ATP9A: variants seen among roughly 807,000 people sequenced by gnomAD.
ATP9A encodes probable phospholipid-transporting ATPase IIA.
Under a neutral mutation model 144.1 loss-of-function variants are expected in ATP9A, and 52 were observed. The ratio of observed to expected loss-of-function variants is 0.36; its 90% CI spans 0.29 to 0.45. The LOEUF is 0.45. Among genes scored for constraint, ATP9A ranks in the 20% least tolerant of loss-of-function variants. The pLI, the probability that ATP9A is intolerant of heterozygous loss-of-function variation, is 1.00. For missense variants in ATP9A, 947 were observed against 1,392.7 expected (o/e 0.68, Z 5.09); for synonymous variants, 582 against 557.4 (o/e 1.04, Z -0.62).
chr20:51,618,782 C>T lies in ATP9A; in HGVS notation c.2230G>A (p.Glu744Lys), dbSNP rs267605993. 1 of 1,601,366 alleles carries T rather than the reference C, an allele frequency of 6.2e-7. No homozygotes were observed. Among genetic ancestry groups the T allele is most frequent in the Non-Finnish European group, 8.5e-7 (1 of 1,173,254 alleles). The change falls in exon 21 of 28, where the codon GAG becomes AAG. Residue 744 changes from glutamate to lysine, a missense_variant. By Grantham distance (56) the Glu-to-Lys change is moderately conservative. This residue lies in a region of ATP9A where 770 missense variants were observed against 1,047.9 expected (regional missense o/e 0.73). Coordinates refer to ENST00000338821, the MANE Select transcript of ATP9A (RefSeq NM_006045.3). ...CACTGGCAGGCCAGCTCCATGAACT[C>T]GTACTCATAGTACTTGAGGCAAACC... ...LEVCLKYYEY[E>K]FMELACQCPA...
At chr20:51,672,051 T>C (rs1001296355) in intron 11 of ATP9A, among the ~76,000 whole-genome samples, 3 of 152,024 alleles carry the variant, frequency 2.0e-5, no homozygotes, top group African/African-American at 7.2e-5. Context: ...CCACCCGTCT[T>C]GGCCTCCCAA....
intron 23 of ATP9A, among the ~76,000 whole-genome samples, chr20:51,610,820 A>G (rs1396021339): frequency 6.6e-6 from 1 of 152,116 alleles, no homozygotes; most frequent in Non-Finnish European, 1.5e-5. Context: ...CTTATATTAC[A>G]TGTTTCGGTA....
intron 7 of ATP9A, among the ~76,000 whole-genome samples, chr20:51,692,154 G>C (rs2077551075): frequency 6.6e-6 from 1 of 152,206 alleles, no homozygotes; most frequent in East Asian, 1.9e-4. Context: ...GATGAAAAAA[G>C]TTCCGAAGAT....
At chr20:51,696,960 T>C (rs1052672867) in intron 5 of ATP9A, among the ~76,000 whole-genome samples, 3 of 152,186 alleles carry the variant, frequency 2.0e-5, no homozygotes, top group Admixed American at 1.3e-4. Context: ...GTATTTTTGG[T>C]CTTTTTACTG....
At position 51,689,235 on chromosome 20, in the gene ATP9A, G is replaced by GC. The variant is rs1445119479; in HGVS notation, c.724-97dup. On this transcript the variant is annotated intron_variant, in intron 8 of 27. Transcript: ENST00000338821. Reference sequence around the variant, plus strand: ...TGGTCCGCTGGAGATAGAAAGACAGGCTCCCCCCGATGAACCTGGAAGCCC... The same window carrying GC: ...TGGTCCGCTGGAGATAGAAAGACAGGCCTCCCCCCGATGAACCTGGAAGCCC... 4.3e-5 allele frequency: 55 copies of GC among 1,269,738 alleles called. No homozygotes were observed. In the African/African-American group the frequency reaches 7.6e-4, roughly 18 times the overall value. 78.7% of individuals were successfully genotyped at this position (1,269,738 alleles called of 1,614,324 possible).
intron 9 of ATP9A, among the ~76,000 whole-genome samples, chr20:51,676,665 T>C (rs968871672): frequency 1.3e-5 from 2 of 151,994 alleles, no homozygotes; most frequent in South Asian, 4.2e-4. Context: ...TTTTAGTAGA[T>C]ACGGGGTTTC....
At chr20:51,641,298 G>A (rs2077317620) in intron 14 of ATP9A, among the ~76,000 whole-genome samples, 1 of 152,050 alleles carries the variant, frequency 6.6e-6, no homozygotes, top group Non-Finnish European at 1.5e-5. Flanking sequence ...GGTAGAAGTT[G>A]CAGTGAGTAG....
chr20:51,744,707 A>C (rs1402243266), intron 1 of ATP9A, among the ~76,000 whole-genome samples: 2 of 152,196 alleles, frequency 1.3e-5, no homozygotes, highest in East Asian at 1.9e-4. Flanking sequence ...GTTCCCCTAT[A>C]ATCAGTTAGC....
At chr20:51,702,209 G>C (rs544997541) in intron 4 of ATP9A, among the ~76,000 whole-genome samples, 7 of 150,630 alleles carry the variant, frequency 4.6e-5, no homozygotes, top group Non-Finnish European at 7.4e-5. Flanking sequence ...TGAGGCAGGA[G>C]AATCGCTTGA....
intron 3 of ATP9A, 101 bp from the exon 4 acceptor site, chr20:51,713,175 T>C: frequency 1.0e-6 from 1 of 1,003,642 alleles, no homozygotes; most frequent in Non-Finnish European, 1.5e-6. Flanking sequence ...GAGAGGTCAC[T>C]TGGGAGGGCA....
Position 51,683,064 on chromosome 20 carries a change from C to A in ATP9A, c.799+6000G>T, listed in dbSNP as rs77068314. Among the ~76,000 whole-genome samples the A allele has an allele frequency of 6.0e-5, 9 of 150,862 alleles. No homozygotes were observed. The East Asian group carries it at 1.5e-3, about 24-fold the overall frequency. On this transcript the variant is annotated intron_variant, in intron 9 of 27. Coordinates refer to ENST00000338821, the MANE Select transcript of ATP9A (RefSeq NM_006045.3). ...CAGAGATCGCACCATTGCACTCCAG[C>A]GTGGGGACAAGAGCAAAACTTTGTC...
intron 15 of ATP9A, among the ~76,000 whole-genome samples, chr20:51,634,653 C>G (rs937175834): frequency 6.6e-5 from 10 of 151,784 alleles, no homozygotes; most frequent in Non-Finnish European, 1.3e-4. Flanking sequence ...GTCGGGAGTT[C>G]GAGACCAGCC....
rs959033872 is a variant in ATP9A, at chr20:51,599,022, T to C, written c.*2189A>G. 1 of 152,220 alleles carries C rather than the reference T, an allele frequency of 6.6e-6. No homozygotes were observed. Among genetic ancestry groups the C allele is most frequent in the African/African-American group, 2.4e-5 (1 of 41,456 alleles). The allele number at this position is 152,220 out of a possible 1,614,324, so 9.4% of individuals were successfully genotyped here. On this transcript the variant is annotated 3_prime_UTR_variant, in exon 28 of 28. Transcript: ENST00000338821. The stretch of plus-strand genomic sequence containing the variant: ...CCCTTGAAGATGTCAATCAGTATCT[T>C]AAGCGTTGGCTTTAAAAGTCAACTT...
At chr20:51,741,762 A>T (rs1252766616) in intron 1 of ATP9A, among the ~76,000 whole-genome samples, 1 of 152,104 alleles carries the variant, frequency 6.6e-6, no homozygotes, top group Non-Finnish European at 1.5e-5. Context: ...GTGGTTCTCA[A>T]CTACAGGCAA....
At chr20:51,618,181 T>C (rs1261090308) in intron 21 of ATP9A, among the ~76,000 whole-genome samples, 3 of 151,106 alleles carry the variant, frequency 2.0e-5, no homozygotes, top group African/African-American at 7.3e-5. Flanking sequence ...GATTGTGTCA[T>C]TGCACTCCCG....
chr20:51,675,514 G>C (rs1402726969), intron 10 of ATP9A, among the ~76,000 whole-genome samples: 1 of 152,204 alleles, frequency 6.6e-6, no homozygotes, highest in Non-Finnish European at 1.5e-5. Context: ...CTGTTATGAA[G>C]ATGAAATGAG....
chr20:51,744,362 C>T (rs1015138774), intron 1 of ATP9A, among the ~76,000 whole-genome samples: 15 of 152,086 alleles, frequency 9.9e-5, no homozygotes, highest in African/African-American at 3.6e-4. Flanking sequence ...GATGGGGTTT[C>T]ACCATGTTGG....
chr20:51,728,001 T>G (rs1481691482), intron 2 of ATP9A, among the ~76,000 whole-genome samples: 1 of 151,650 alleles, frequency 6.6e-6, no homozygotes, highest in Non-Finnish European at 1.5e-5. Flanking sequence ...AATCCTCCCC[T>G]GGGGAGCAGC....
At chr20:51,669,915 G>T in intron 13 of ATP9A, 82 bp downstream of exon 13, 1 of 931,460 alleles carries the variant, frequency 1.1e-6, no homozygotes, top group Non-Finnish European at 1.8e-6. Context: ...GAATTGTACG[G>T]TATTGTGAAT....
Sources: allele counts gnomAD v4.1 joint callset (sites outside exome capture counted in the v4.1 genomes callset), GRCh38; gene constraint gnomAD v4.1.1; regional missense constraint gnomAD v4.1.1; transcripts MANE v1.5; gene names NCBI Gene and HGNC (gene_info 2026-07-23, HGNC 2026-07-21).